Variants in PTPRN2 observed in about 807,000 individuals in gnomAD.
The protein encoded by PTPRN2 is receptor-type tyrosine-protein phosphatase N2.
In PTPRN2, 74 loss-of-function variants were observed where a neutral mutation model predicts 118.8. The ratio of observed to expected loss-of-function variants is 0.62; its 90% CI spans 0.52 to 0.76. PTPRN2 has a LOEUF of 0.76. Among genes scored for constraint, PTPRN2 ranks in the 30% least tolerant of loss-of-function variants. The probability of loss-of-function intolerance (pLI) is 0.00; values close to 1 mark genes in which losing one functional copy is unlikely to be tolerated. For synonymous variants in PTPRN2, 641 were observed against 608.0 expected, an observed-to-expected ratio of 1.05 and a Z score of -0.80; for missense variants, 1,481 against 1,394.4, an observed-to-expected ratio of 1.06 and a Z score of -0.99.
At chr7:157,799,087 C>A (rs1805061185) in intron 12 of PTPRN2, among the ~76,000 whole-genome samples, 1 of 152,208 alleles carries the variant, frequency 6.6e-6, no homozygotes, top group African/African-American at 2.4e-5. Context: ...TCAGACATGA[C>A]AACCCCATCG....
At chr7:158,385,693 G>A (rs1003313605) in intron 2 of PTPRN2, among the ~76,000 whole-genome samples, 1 of 152,142 alleles carries the variant, frequency 6.6e-6, no homozygotes, top group African/African-American at 2.4e-5. Context: ...ACAAGTTCAG[G>A]CCTGCTACTG....
intron 12 of PTPRN2, among the ~76,000 whole-genome samples, chr7:157,692,676 C>A (rs915143672): frequency 4.6e-5 from 7 of 152,212 alleles, no homozygotes; most frequent in Non-Finnish European, 8.8e-5. Flanking sequence ...CCTGAGCGGG[C>A]TGCAGGAGGC....
chr7:158,160,872 T>C lies in PTPRN2; in HGVS notation c.910+6059A>G, dbSNP rs148482838. The stretch of plus-strand genomic sequence containing the variant: ...AATGTTATTATTGCTTATTTTATTG[T>C]GTAAAATGGCCTATGAAGTGTTTTG... On this transcript the variant is annotated intron_variant, in intron 6 of 22. Transcript: ENST00000389418. Among the ~76,000 whole-genome samples the C allele has an allele frequency of 2.4e-3, 373 of 152,374 alleles. 2 individuals are homozygous for C. The highest frequency in any genetic ancestry group is 8.5e-3 in the African/African-American group (353 of 41,592).
chr7:158,054,104 A>G (rs1320645926), intron 11 of PTPRN2, among the ~76,000 whole-genome samples: 11 of 152,098 alleles, frequency 7.2e-5, no homozygotes, highest in Non-Finnish European at 2.9e-5. Context: ...CCAGAGACGG[A>G]GAGACCCCAG....
At chr7:158,067,172 C>T (rs968735430) in intron 11 of PTPRN2, among the ~76,000 whole-genome samples, 38 of 152,320 alleles carry the variant, frequency 2.5e-4, no homozygotes, top group African/African-American at 8.9e-4. Context: ...GGTTGAGATG[C>T]AATTCTTATT....
chr7:158,110,739 G>T, intron 10 of PTPRN2, 90 bp downstream of exon 10: 1 of 1,216,868 alleles, frequency 8.2e-7, no homozygotes, highest in African/African-American at 1.5e-5. Flanking sequence ...TAATTAACAA[G>T]AGCCATGGGC....
intron 2 of PTPRN2, among the ~76,000 whole-genome samples, chr7:158,389,584 G>A (rs1362088694): frequency 6.6e-6 from 1 of 152,192 alleles, no homozygotes; most frequent in Non-Finnish European, 1.5e-5. Context: ...AAAATAATGG[G>A]ATCTGCGAAA....
rs116491721 is a variant in PTPRN2 at position 158,053,457 on chromosome 7, G to A, written c.1723+27841C>T. Among the ~76,000 whole-genome samples the A allele has an allele frequency of 7.5e-3, 1,142 of 152,286 alleles. 10 individuals carry two copies. The highest frequency in any genetic ancestry group is 0.026 in the African/African-American group (1,079 of 41,552). ...AAAGATCACAGAAAAGGGGAAAACA[G>A]CGAAGACAGAAAAGAAAAGAATTCA... is the stretch of plus-strand genomic sequence containing the variant. On this transcript the variant is annotated intron_variant, in intron 11 of 22. Coordinates refer to ENST00000389418, the MANE Select transcript of PTPRN2 (RefSeq NM_002847.5).
intron 2 of PTPRN2, among the ~76,000 whole-genome samples, chr7:158,451,314 C>T (rs1343291698): frequency 1.3e-5 from 2 of 152,128 alleles, no homozygotes; most frequent in African/African-American, 2.4e-5. Context: ...AATTAATTCT[C>T]TTTACGGTGT....
intron 2 of PTPRN2, among the ~76,000 whole-genome samples, chr7:158,369,047 G>C (rs536598515): frequency 6.6e-6 from 1 of 152,196 alleles, no homozygotes; most frequent in African/African-American, 2.4e-5. Context: ...GGCATGGCCA[G>C]AATATAAAGC....
At chr7:157,720,588 C>T (rs761460447) in intron 12 of PTPRN2, among the ~76,000 whole-genome samples, 17 of 152,348 alleles carry the variant, frequency 1.1e-4, no homozygotes, top group South Asian at 2.1e-4. Context: ...TGGGTGTGCA[C>T]GCGGGGACCG....
At chr7:157,689,509 C>A (rs1031533766) in intron 12 of PTPRN2, among the ~76,000 whole-genome samples, 4 of 152,236 alleles carry the variant, frequency 2.6e-5, no homozygotes, top group African/African-American at 9.6e-5. Flanking sequence ...CCAAAAAGGG[C>A]GGGAGACTCT....
chr7:158,409,389 T>TG (rs1813847477), intron 2 of PTPRN2, among the ~76,000 whole-genome samples: 1 of 152,022 alleles, frequency 6.6e-6, no homozygotes, highest in Non-Finnish European at 1.5e-5. Flanking sequence ...TACCCAGGCA[T>TG]AAGCGTGGAC....
chr7:158,008,778 T>C (rs914254757), intron 11 of PTPRN2, among the ~76,000 whole-genome samples: 2 of 152,228 alleles, frequency 1.3e-5, no homozygotes, highest in Non-Finnish European at 2.9e-5. Flanking sequence ...ACCGTTTTCT[T>C]TCTATCTTCT....
intron 3 of PTPRN2, among the ~76,000 whole-genome samples, chr7:158,278,302 A>G (rs78002680): frequency 0.017 from 2,598 of 152,182 alleles, 79 homozygotes; most frequent in African/African-American, 0.059. Context: ...TCAAATCCCA[A>G]GACCAGCCTG....
chr7:157,580,781 C>G (rs981340162), intron 17 of PTPRN2, among the ~76,000 whole-genome samples: 7 of 123,754 alleles, frequency 5.7e-5, no homozygotes, highest in Admixed American at 1.6e-4. Flanking sequence ...CCTGCACACC[C>G]GAGCCCCTGC....
intron 12 of PTPRN2, among the ~76,000 whole-genome samples, chr7:157,708,474 T>C (rs987568951): frequency 3.3e-5 from 5 of 151,962 alleles, no homozygotes; most frequent in African/African-American, 1.2e-4. Flanking sequence ...GTGGTGTGAG[T>C]GGCTCTCGGC....
At chr7:158,048,902 TATCACCACC>T (rs933795383) in intron 11 of PTPRN2, among the ~76,000 whole-genome samples, 2 of 102,652 alleles carry the variant, frequency 1.9e-5, no homozygotes, top group African/African-American at 7.6e-5. Flanking sequence ...ATCATCACCA[TATCACCACC>T]ATCACCATCA....
chr7:158,539,859 T>A (rs1563413252), intron 1 of PTPRN2: 1 of 216,326 alleles, frequency 4.6e-6, no homozygotes, highest in Admixed American at 6.6e-5. Context: ...CTGGAGCTGG[T>A]GACGGCTGGA....
Sources: allele counts gnomAD v4.1 joint callset (sites outside exome capture counted in the v4.1 genomes callset), GRCh38; gene constraint gnomAD v4.1.1; transcripts MANE v1.5; gene names NCBI Gene and HGNC (gene_info 2026-07-23, HGNC 2026-07-21).